CRYM: variants seen among roughly 807,000 people sequenced by gnomAD.
The protein encoded by CRYM is crystallin mu, also known as ketimine reductase mu-crystallin.
In CRYM, 18 loss-of-function variants were observed where a neutral mutation model predicts 32.9. The ratio of observed to expected loss-of-function variants is 0.55; its 90% CI spans 0.38 to 0.81. The LOEUF (loss-of-function observed/expected upper bound fraction) is 0.81. Ranked by LOEUF, CRYM falls within the 30% of genes least tolerant of loss-of-function variation. The pLI is 0.00. For missense variants in CRYM, 337 were observed against 393.5 expected (o/e 0.86, Z 1.21); for synonymous variants, 153 against 152.4 (o/e 1.00, Z -0.03).
chr16:21,292,087 A>G (rs1329344439), intron 1 of CRYM, among the ~76,000 whole-genome samples: 1 of 152,156 alleles, frequency 6.6e-6, no homozygotes, highest in African/African-American at 2.4e-5. Context: ...ACATTCATAA[A>G]TAGCTTTAAT....
chr16:21,275,991 G>A (rs1015949554), intron 2 of CRYM, among the ~76,000 whole-genome samples: 3 of 152,118 alleles, frequency 2.0e-5, no homozygotes, highest in Admixed American at 6.5e-5. Context: ...TCTGGACAAC[G>A]GCCATGAAAC....
At chr16:21,276,140 G>A (rs926022012) in intron 2 of CRYM, among the ~76,000 whole-genome samples, 1 of 152,296 alleles carries the variant, frequency 6.6e-6, no homozygotes, top group African/African-American at 2.4e-5. Flanking sequence ...ACACAGCGAA[G>A]GTTGAAAATT....
intron 1 of CRYM, among the ~76,000 whole-genome samples, chr16:21,298,623 A>T: frequency 6.6e-6 from 1 of 152,200 alleles, no homozygotes; most frequent in Non-Finnish European, 1.5e-5. Flanking sequence ...ATAAAATGAT[A>T]AAAAGGGAAC....
At chr16:21,280,880 G>A (rs185977814), upstream of CRYM, among the ~76,000 whole-genome samples, 8 of 152,242 alleles carry the variant, frequency 5.3e-5, no homozygotes, top group Admixed American at 1.3e-4. Context: ...CAAGGCGGGC[G>A]GATCATGTGA....
chr16:21,261,720 T>C (rs2093354826), intron 6 of CRYM: 1 of 465,544 alleles, frequency 2.1e-6, no homozygotes, highest in African/African-American at 2.0e-5. Context: ...CACAGTCTTA[T>C]CATGTTGGCC....
chr16:21,286,647 T>G (rs1164190019), intron 1 of CRYM, among the ~76,000 whole-genome samples: 2 of 152,208 alleles, frequency 1.3e-5, no homozygotes, highest in East Asian at 3.8e-4. Flanking sequence ...CTTACAATTT[T>G]GGAACATACT....
intron 1 of CRYM, among the ~76,000 whole-genome samples, chr16:21,295,267 G>A (rs1346109971): frequency 6.6e-6 from 1 of 152,182 alleles, no homozygotes; most frequent in Non-Finnish European, 1.5e-5. Flanking sequence ...GTGGTTGAAC[G>A]AATTTAAATT....
intron 5 of CRYM, among the ~76,000 whole-genome samples, chr16:21,267,022 A>C (rs1435131251): frequency 6.6e-6 from 1 of 152,068 alleles, no homozygotes; most frequent in Non-Finnish European, 1.5e-5. Flanking sequence ...AAGAAAAAAA[A>C]CTTACATTTT....
At chr16:21,281,119 T>A (rs1311159801), upstream of CRYM, among the ~76,000 whole-genome samples, 2 of 130,700 alleles carry the variant, frequency 1.5e-5, no homozygotes, top group African/African-American at 3.1e-5. Context: ...ACTCTCTCTC[T>A]CTCTCTCTCT....
chr16:21,283,674 G>C (rs1257013889), intron 1 of CRYM: 1 of 151,492 alleles, frequency 6.6e-6, no homozygotes, highest in African/African-American at 2.4e-5. Context: ...GGGTGGGGCG[G>C]TGGGGGGACT....
At chr16:21,300,984 C>G (rs1275058106) in intron 1 of CRYM, 1 of 148,428 alleles carries the variant, frequency 6.7e-6, no homozygotes, top group African/African-American at 2.5e-5. Flanking sequence ...CTGGGCGTCC[C>G]ACGCGCAGAA....
chr16:21,267,788 T>C (rs763301180), intron 4 of CRYM, 51 bp from the exon 5 acceptor site: 8 of 1,592,530 alleles, frequency 5.0e-6, no homozygotes, highest in Non-Finnish European at 6.0e-6. Flanking sequence ...TGGCTGCTTA[T>C]GTTACACTGA....
chr16:21,261,686 A>G (rs1567231012), intron 6 of CRYM: 2 of 461,546 alleles, frequency 4.3e-6, no homozygotes, highest in African/African-American at 3.9e-5. Context: ...TTATAACCGT[A>G]AAATGAGGCC....
chr16:21,264,667 T>C (rs2093360617), intron 5 of CRYM, among the ~76,000 whole-genome samples: 1 of 152,238 alleles, frequency 6.6e-6, no homozygotes, highest in Non-Finnish European at 1.5e-5. Context: ...ATTTTGTCCC[T>C]GGGCCAGGAA....
intron 1 of CRYM, among the ~76,000 whole-genome samples, chr16:21,290,169 G>A (rs1960597565): frequency 2.0e-5 from 3 of 152,154 alleles, no homozygotes; most frequent in East Asian, 1.9e-4. Flanking sequence ...CCCCTTCCAT[G>A]CTGTGGGAAC....
intron 1 of CRYM, among the ~76,000 whole-genome samples, chr16:21,301,971 C>T (rs557874241): frequency 6.6e-6 from 1 of 152,324 alleles, no homozygotes; most frequent in South Asian, 2.1e-4. Context: ...CCCGGGAGGC[C>T]CACCCGCTAG....
intron 1 of CRYM, among the ~76,000 whole-genome samples, chr16:21,293,912 A>T (rs982669108): frequency 1.3e-5 from 2 of 152,228 alleles, no homozygotes; most frequent in Non-Finnish European, 2.9e-5. Context: ...AAATACTTCA[A>T]TTGATGAAAA....
chr16:21,260,559 C>A (rs972433723), intron 7 of CRYM, among the ~76,000 whole-genome samples: 1 of 152,166 alleles, frequency 6.6e-6, no homozygotes, highest in African/African-American at 2.4e-5. Flanking sequence ...CTTGGCCTCC[C>A]AAAGTGTTGG....
intron 4 of CRYM, among the ~76,000 whole-genome samples, chr16:21,269,543 G>A (rs1486976805): frequency 2.0e-5 from 3 of 152,212 alleles, no homozygotes; most frequent in Non-Finnish European, 2.9e-5. Flanking sequence ...AACCGAGTAA[G>A]CTTGCTGTAT....
Sources: allele counts gnomAD v4.1 joint callset (sites outside exome capture counted in the v4.1 genomes callset), GRCh38; gene constraint gnomAD v4.1.1; transcripts MANE v1.5; gene names NCBI Gene and HGNC (gene_info 2026-07-23, HGNC 2026-07-21).